NAALAD2: variants seen among roughly 807,000 people sequenced by gnomAD.
The protein encoded by NAALAD2 is N-acetylated alpha-linked acidic dipeptidase 2.
In NAALAD2, 89 loss-of-function variants were observed where a neutral mutation model predicts 95.6. The observed-to-expected ratio is 0.93, with a 90% CI of 0.78 to 1.11. The LOEUF (loss-of-function observed/expected upper bound fraction) is 1.11, where lower values mean the gene tolerates loss of function less well. NAALAD2 is among the 50% of genes least tolerant of loss of function. The probability of loss-of-function intolerance (pLI) is 0.00; values close to 1 mark genes in which losing one functional copy is unlikely to be tolerated. For missense variants in NAALAD2, 894 were observed against 872.4 expected, an observed-to-expected ratio of 1.02 and a Z score of -0.31; for synonymous variants, 264 against 294.4, an observed-to-expected ratio of 0.90 and a Z score of 1.06.
intron 2 of NAALAD2, 57 bp from the exon 3 acceptor site, chr11:90,147,273 A>G (rs1951769102): frequency 1.5e-5 from 20 of 1,348,338 alleles, no homozygotes; most frequent in Non-Finnish European, 1.8e-5. Context: ...AATAGTTCTT[A>G]GGCACATCGT....
chr11:90,132,047 G>T (rs1951360515), upstream of NAALAD2: 7 of 152,512 alleles, frequency 4.6e-5, no homozygotes, highest in Admixed American at 4.6e-4. Context: ...TTTGATAGCA[G>T]CCTTCTGTTA....
Position 90,163,391 on chromosome 11 carries a change from A to G in NAALAD2, c.1157A>G (p.Gln386Arg). ...IDPTSGVAVLQEIARSFGKLM... is the reference protein window; with the variant it reads ...IDPTSGVAVLREIARSFGKLM... ...CCAACCAGTGGGGTTGCTGTTTTGC[A>G]AGAAATTGCCCGGAGTTTTGGAAAA... Residue 386 changes from glutamine (Q) to arginine (R), a missense_variant, in exon 10 of 19, where the codon CAA (glutamine) becomes CGA (arginine). Coordinates refer to ENST00000534061, the MANE Select transcript of NAALAD2 (RefSeq NM_005467.4). 6 of 1,614,092 alleles carry G rather than the reference A, an allele frequency of 3.7e-6. No individual in the cohort carries two copies. The highest frequency in any genetic ancestry group is 5.1e-6 in the Non-Finnish European group (6 of 1,179,928).
intron 18 of NAALAD2, among the ~76,000 whole-genome samples, chr11:90,185,497 CCT>C (rs978653724): frequency 3.3e-5 from 5 of 151,764 alleles, no homozygotes; most frequent in Non-Finnish European, 7.4e-5. Context: ...ACAGCGAGAC[CCT>C]GTTTCTACAA....
intron 18 of NAALAD2, among the ~76,000 whole-genome samples, chr11:90,186,568 T>C (rs1857149103): frequency 6.6e-6 from 1 of 152,134 alleles, no homozygotes; most frequent in South Asian, 2.1e-4. Flanking sequence ...GGTCAAATGG[T>C]ATGGGGAAAG....
chr11:90,185,652 C>CT (rs1857115759), intron 18 of NAALAD2, among the ~76,000 whole-genome samples: 2 of 152,050 alleles, frequency 1.3e-5, no homozygotes, highest in African/African-American at 4.8e-5. Context: ...TCGACAATCT[C>CT]TAAGATTTTT....
chr11:90,167,230 C>T (rs913793294), intron 11 of NAALAD2, among the ~76,000 whole-genome samples: 2 of 152,290 alleles, frequency 1.3e-5, no homozygotes, highest in East Asian at 1.9e-4. Context: ...CGGGCGCTTG[C>T]GGCCCAGCGA....
chr11:90,185,638 A>G (rs1310408733), intron 18 of NAALAD2, among the ~76,000 whole-genome samples: 1 of 152,174 alleles, frequency 6.6e-6, no homozygotes, highest in African/African-American at 2.4e-5. Flanking sequence ...ATTGCACTCC[A>G]GCTTCGACAA....
Position 90,150,536 on chromosome 11 carries a change from A to G in NAALAD2, c.538A>G (p.Arg180Gly). 1 of 1,611,842 alleles carries G rather than the reference A, an allele frequency of 6.2e-7. No individual in the cohort carries two copies. Among genetic ancestry groups the G allele is most frequent in the East Asian group, 2.2e-5 (1 of 44,710 alleles). The change falls in exon 5 of 19, where the codon AGA becomes GGA. Residue 180 changes from arginine to glycine, a missense_variant. Arg to Gly is a moderately radical substitution (Grantham distance 125). Transcript: ENST00000534061. ...ARTEDFFKLEREMGINCTGKI... is the reference protein window; with the variant it reads ...ARTEDFFKLEGEMGINCTGKI... Reference sequence around the variant, plus strand: ...CACTGAAGACTTTTTCAAACTAGAAAGAGAGATGGGCATCAACTGTACTGG... The same window carrying G: ...CACTGAAGACTTTTTCAAACTAGAAGGAGAGATGGGCATCAACTGTACTGG...
At chr11:90,139,354 A>G (rs1403737983) in intron 2 of NAALAD2, among the ~76,000 whole-genome samples, 3 of 152,184 alleles carry the variant, frequency 2.0e-5, no homozygotes, top group African/African-American at 4.8e-5. Context: ...ACAAAACAGT[A>G]GAATTCGCCT....
chr11:90,149,923 T>C (rs959184715), intron 4 of NAALAD2, among the ~76,000 whole-genome samples: 5 of 152,174 alleles, frequency 3.3e-5, no homozygotes, highest in African/African-American at 1.2e-4. Flanking sequence ...TGGCTTTGTA[T>C]ACACTGATGA....
chr11:90,158,249 C>T lies in NAALAD2; in HGVS notation c.890+11C>T. 1 of 1,580,498 alleles carries T rather than the reference C, an allele frequency of 6.3e-7. No homozygotes were observed. The highest frequency in any genetic ancestry group is 8.7e-7 in the Non-Finnish European group (1 of 1,151,228). On this transcript the variant is annotated intron_variant, in intron 7 of 18. Transcript: ENST00000534061. Reference sequence around the variant, plus strand: ...AGAAATATTATTACGGTATAGTTTTCTTGTTGGATATGAGATTAAGATATT... The same window carrying T: ...AGAAATATTATTACGGTATAGTTTTTTTGTTGGATATGAGATTAAGATATT...
At position 90,176,828 on chromosome 11, in the gene NAALAD2, AAAG is replaced by A. The variant is rs140797000; in HGVS notation, c.1593+769_1593+771del. Among the ~76,000 whole-genome samples, 739 of 152,340 alleles carry A rather than the reference AAAG, an allele frequency of 4.9e-3. 9 individuals are homozygous for A. Among genetic ancestry groups the A allele is most frequent in the African/African-American group, 0.017 (700 of 41,574 alleles). On this transcript the variant is annotated intron_variant, in intron 15 of 18. Transcript: ENST00000534061. Reference sequence around the variant, plus strand: ...CAAATTTGACTGTTCAGAATACAACAAAGAACAAAGAAATAAAAGCAACCCCAG... The same window carrying A: ...CAAATTTGACTGTTCAGAATACAACAAACAAAGAAATAAAAGCAACCCCAG...
At chr11:90,140,733 A>G (rs1353197183) in intron 2 of NAALAD2, among the ~76,000 whole-genome samples, 1 of 152,084 alleles carries the variant, frequency 6.6e-6, no homozygotes, top group Non-Finnish European at 1.5e-5. Context: ...GGTTTAATTT[A>G]TCAATTTTTC....
intron 8 of NAALAD2, among the ~76,000 whole-genome samples, chr11:90,161,953 C>A (rs1332525283): frequency 6.6e-6 from 1 of 150,862 alleles, no homozygotes; most frequent in Non-Finnish European, 1.5e-5. Flanking sequence ...GATTAGTTTT[C>A]CTCTGAGGTA....
chr11:90,176,624 GCAGGTACTTGGATATAACCAATATATA>G (rs1423608919), intron 15 of NAALAD2, among the ~76,000 whole-genome samples: 1 of 152,140 alleles, frequency 6.6e-6, no homozygotes, highest in Non-Finnish European at 1.5e-5. Flanking sequence ...CTGATGATAT[GCAGGTACTTGGATATAACCAATATATA>G]CCATGTTTGC....
At chr11:90,184,368 CTG>C (rs1184488900) in intron 18 of NAALAD2, among the ~76,000 whole-genome samples, 1 of 151,996 alleles carries the variant, frequency 6.6e-6, no homozygotes, top group African/African-American at 2.4e-5. Flanking sequence ...CTCAATAGGC[CTG>C]TAGATTTAAG....
rs1952976814 is a variant in NAALAD2, at chr11:90,181,717, C to CTCT, written c.1940+17_1940+18insCTT. The CTCT allele has an allele frequency of 1.4e-6, 2 of 1,384,096 alleles. No individual in the cohort carries two copies. The highest frequency in any genetic ancestry group is 4.8e-5 in the East Asian group (2 of 42,026). 85.7% of individuals were successfully genotyped at this position (1,384,096 alleles called of 1,614,324 possible). A position where few individuals can be genotyped will look rare whatever the true frequency, so the allele number is the denominator to read the frequency against. On this transcript the variant is annotated intron_variant, in intron 17 of 18. Transcript: ENST00000534061. Reference sequence around the variant, plus strand: ...ATCTTAACAAGTAAGTTTCAAATCCCTTTTTTTTTAAAAAAAAAAAAAAAA... The same window carrying CTCT: ...ATCTTAACAAGTAAGTTTCAAATCCCTCTTTTTTTTTTAAAAAAAAAAAAAAAA...
intron 14 of NAALAD2, 54 bp from the exon 15 acceptor site, chr11:90,175,918 T>C: frequency 1.1e-6 from 1 of 929,500 alleles, no homozygotes; most frequent in Admixed American, 2.2e-5. Flanking sequence ...TTTGTATCAT[T>C]TACTTGTTTA....
chr11:90,135,541 T>A lies in NAALAD2; in HGVS notation c.83-18T>A, dbSNP rs544010483. The stretch of plus-strand genomic sequence containing the variant: ...TTTTGTGTGTATGTGTGCATGTTTG[T>A]GTATTTTTTTTCCTTAGGCTGGTTT... On this transcript the variant is annotated intron_variant, in intron 1 of 18. Coordinates refer to ENST00000534061, the MANE Select transcript of NAALAD2 (RefSeq NM_005467.4). 7.7e-6 allele frequency: 12 copies of A among 1,565,350 alleles called. No individual in the cohort carries two copies. In the East Asian group the frequency reaches 1.8e-4, roughly 23 times the overall value.
Sources: allele counts gnomAD v4.1 joint callset (sites outside exome capture counted in the v4.1 genomes callset), GRCh38; gene constraint gnomAD v4.1.1; transcripts MANE v1.5; gene names NCBI Gene and HGNC (gene_info 2026-07-23, HGNC 2026-07-21).